RUNX1: variants seen among roughly 807,000 people sequenced by gnomAD.
RUNX1 encodes the protein runt-related transcription factor 1.
Under a neutral mutation model 42.8 loss-of-function variants are expected in RUNX1, and 19 were observed. The ratio of observed to expected loss-of-function variants is 0.44; its 90% confidence interval spans 0.31 to 0.65. The LOEUF (loss-of-function observed/expected upper bound fraction) is 0.65. RUNX1 is among the 30% of genes least tolerant of loss of function. RUNX1 has a pLI of 0.07. For synonymous variants in RUNX1, 271 were observed against 289.4 expected (o/e 0.94, Z 0.64); for missense variants, 528 against 672.0 (o/e 0.79, Z 2.37).
chr21:35,038,929 T>C lies in RUNX1; in HGVS notation c.58+9913A>G, dbSNP rs142349397. Reference sequence around the variant, plus strand: ...TCATCAAAACCAACCTGGTTAATTGTAACATTGCCTAAGGAGCCAGGTGGG... The same window carrying C: ...TCATCAAAACCAACCTGGTTAATTGCAACATTGCCTAAGGAGCCAGGTGGG... On this transcript the variant is annotated intron_variant, in intron 2 of 8. Transcript: ENST00000675419. The C allele has an allele frequency of 1.4e-5, 5 of 348,138 alleles. No individual in the cohort carries two copies. In the Admixed American group the frequency reaches 1.9e-4, roughly 13 times the overall value. The allele number at this position is 348,138 out of a possible 1,614,324, so 21.6% of individuals were successfully genotyped here. A position where few individuals can be genotyped will look rare whatever the true frequency, so the allele number is the denominator to read the frequency against.
chr21:34,892,113 A>G (rs1005737625), intron 3 of RUNX1, among the ~76,000 whole-genome samples: 1 of 152,258 alleles, frequency 6.6e-6, no homozygotes, highest in African/African-American at 2.4e-5. Context: ...CAGTACGTCT[A>G]AAAGAATTAT....
intron 4 of RUNX1, among the ~76,000 whole-genome samples, chr21:34,885,889 G>A (rs2057977552): frequency 6.6e-6 from 1 of 152,184 alleles, no homozygotes; most frequent in Non-Finnish European, 1.5e-5. Flanking sequence ...AATCTCCACT[G>A]CAGAAATTAA....
chr21:35,028,960 T>G (rs2059255191), intron 2 of RUNX1, among the ~76,000 whole-genome samples: 1 of 152,200 alleles, frequency 6.6e-6, no homozygotes, highest in African/African-American at 2.4e-5. Flanking sequence ...CTAGCTCATC[T>G]GTCTGCAGTG....
At chr21:34,874,155 C>T (rs574004749) in intron 5 of RUNX1, among the ~76,000 whole-genome samples, 2 of 151,758 alleles carry the variant, frequency 1.3e-5, no homozygotes, top group Non-Finnish European at 2.9e-5. Context: ...CCCCCTTGCA[C>T]ACACGCACAC....
intron 2 of RUNX1, among the ~76,000 whole-genome samples, chr21:34,949,770 C>T (rs968395567): frequency 6.6e-6 from 1 of 152,212 alleles, no homozygotes; most frequent in African/African-American, 2.4e-5. Context: ...CGTTAGCCAA[C>T]GCACAACATA....
chr21:34,812,024 CCTCT>C (rs761094432), intron 7 of RUNX1, among the ~76,000 whole-genome samples: 149 of 150,372 alleles, frequency 9.9e-4, no homozygotes, highest in Non-Finnish European at 1.6e-3. Context: ...CTCTCTTGCA[CCTCT>C]CTATTTTTTG....
rs1378140803 is a variant in RUNX1, at chr21:34,993,540, C to T, written c.58+55302G>A. Among the ~76,000 whole-genome samples, 5 of 143,678 alleles carry T rather than the reference C, an allele frequency of 3.5e-5. 1 individual carries two copies. The highest frequency in any genetic ancestry group is 7.6e-5 in the Non-Finnish European group (5 of 66,220). The allele number at this position is 143,678 out of a possible 152,430, so 94.3% of individuals were successfully genotyped here. The stretch of plus-strand genomic sequence containing the variant: ...ACACACACACACATACATACAGGCA[C>T]ACACAGACACACACACAGGCACAGA... On this transcript the variant is annotated intron_variant, in intron 2 of 8. Transcript: ENST00000675419.
intron 6 of RUNX1, among the ~76,000 whole-genome samples, chr21:34,855,290 A>C (rs1234426068): frequency 2.0e-5 from 3 of 152,126 alleles, no homozygotes; most frequent in Non-Finnish European, 4.4e-5. Context: ...ATTTAATGAA[A>C]TCTCTGTAGA....
chr21:34,856,392 C>T (rs1193768243), intron 6 of RUNX1: 1 of 518,996 alleles, frequency 1.9e-6, no homozygotes, highest in Non-Finnish European at 3.8e-6. Context: ...GCCAGCCAAT[C>T]ATATAAGCCA....
At chr21:35,038,607 C>A (rs62218494) in intron 2 of RUNX1, 1 of 276,788 alleles carries the variant, frequency 3.6e-6, no homozygotes, top group African/African-American at 3.0e-5. Flanking sequence ...CTCTCTCTCT[C>A]TCTCTCTGTG....
intron 2 of RUNX1, among the ~76,000 whole-genome samples, chr21:34,912,956 C>T (rs558694792): frequency 2.0e-5 from 3 of 152,120 alleles, no homozygotes; most frequent in Middle Eastern, 3.2e-3. Flanking sequence ...AGAGGCCAGG[C>T]GTGATGGCTC....
At chr21:34,971,052 A>C (rs1454348750) in intron 2 of RUNX1, among the ~76,000 whole-genome samples, 1 of 152,146 alleles carries the variant, frequency 6.6e-6, no homozygotes, top group Non-Finnish European at 1.5e-5. Flanking sequence ...TTATACATTT[A>C]TTTCAGCTGT....
chr21:34,994,402 A>G (rs1366616602), intron 2 of RUNX1, among the ~76,000 whole-genome samples: 1 of 152,210 alleles, frequency 6.6e-6, no homozygotes, highest in Non-Finnish European at 1.5e-5. Context: ...TAAAATAACT[A>G]AAAGTATAAT....
rs5843687 is a variant in RUNX1 at position 34,846,194 on chromosome 21, C to CTTTTTTTTTTT, written c.614-11604_614-11594dup. ...GAGTACTTTGTGGGTTTAAGGATGT[C>CTTTTTTTTTTT]TTTTTTTTTTTTTTTTTTTTTCAAA... On this transcript the variant is annotated intron_variant, in intron 6 of 8. Coordinates refer to ENST00000675419, the MANE Select transcript of RUNX1 (RefSeq NM_001754.5). Among the ~76,000 whole-genome samples, 178 of 102,262 alleles carry CTTTTTTTTTTT rather than the reference C, an allele frequency of 1.7e-3. 2 individuals are homozygous for CTTTTTTTTTTT. Among genetic ancestry groups the CTTTTTTTTTTT allele is most frequent in the African/African-American group, 4.6e-3 (131 of 28,442 alleles). The allele number at this position is 102,262 out of a possible 152,430, so 67.1% of individuals were successfully genotyped here.
At chr21:34,912,541 G>T (rs915505070) in intron 2 of RUNX1, among the ~76,000 whole-genome samples, 2 of 152,098 alleles carry the variant, frequency 1.3e-5, no homozygotes, top group African/African-American at 2.4e-5. Flanking sequence ...TTCTCATTCC[G>T]ATGGAAAACA....
intron 6 of RUNX1, among the ~76,000 whole-genome samples, chr21:34,848,374 C>T (rs1163168475): frequency 2.0e-5 from 3 of 152,212 alleles, no homozygotes; most frequent in South Asian, 2.1e-4. Context: ...AACTGTGAAA[C>T]GCAGTTTTAG....
intron 8 of RUNX1, among the ~76,000 whole-genome samples, chr21:34,797,027 C>A (rs141108157): frequency 0.017 from 2,626 of 152,328 alleles, 31 homozygotes; most frequent in African/African-American, 0.032. Context: ...TCAAAGCTGT[C>A]GGCCAGGCAG....
In RUNX1 at chr21:34,791,872, G is replaced by C. The variant is rs527589424; in HGVS notation, c.*263C>G. On this transcript the variant is annotated 3_prime_UTR_variant, in exon 9 of 9. Coordinates refer to ENST00000675419, the MANE Select transcript of RUNX1 (RefSeq NM_001754.5). ...GCGCGTCCCCTGGGTGCTGGGGCCG[G>C]CGGACACCCTCGAGGTGCGTCGCCT... 117 of 260,160 alleles carry C rather than the reference G, an allele frequency of 4.5e-4. No homozygotes were observed. The highest frequency in any genetic ancestry group is 7.5e-4 in the African/African-American group (34 of 45,270). 16.1% of individuals were successfully genotyped at this position (260,160 alleles called of 1,614,324 possible).
intron 5 of RUNX1, among the ~76,000 whole-genome samples, chr21:34,873,199 G>A (rs996996253): frequency 2.6e-5 from 4 of 152,342 alleles, no homozygotes; most frequent in Admixed American, 2.6e-4. Flanking sequence ...AAACTGGAGT[G>A]TTTCCACCTC....
Sources: gnomAD v4.1 joint callset for allele counts (sites outside exome capture counted in the v4.1 genomes callset) on GRCh38, gnomAD v4.1.1 for gene constraint, MANE v1.5 for transcripts, NCBI Gene and HGNC (gene_info 2026-07-23, HGNC 2026-07-21) for gene names.